The following PRKG1 variants were observed in gnomAD, a reference collection of about 807,000 sequenced individuals.
PRKG1 encodes the protein protein kinase cGMP-dependent 1, also known as cGMP-dependent protein kinase 1.
PRKG1 carries 35 observed loss-of-function variants against 88.1 expected under a neutral mutation model. The observed-to-expected ratio is 0.40, with a 90% CI of 0.30 to 0.53. The LOEUF (loss-of-function observed/expected upper bound fraction) is 0.53, where lower values mean the gene tolerates loss of function less well. Ranked by LOEUF, PRKG1 falls within the 20% of genes least tolerant of loss-of-function variation. The pLI, the probability that PRKG1 is intolerant of heterozygous loss-of-function variation, is 0.59. For synonymous variants in PRKG1, 303 were observed against 292.5 expected (o/e 1.04, Z -0.37); for missense variants, 540 against 839.8 (o/e 0.64, Z 4.41).
Position 52,295,961 on chromosome 10 carries a change from C to T in PRKG1, c.*2061C>T, listed in dbSNP as rs1842372782. 6.6e-6 allele frequency: 1 copy of T among 151,924 alleles called. No individual in the cohort carries two copies. The allele number at this position is 151,924 out of a possible 1,614,324, so 9.4% of individuals were successfully genotyped here. A position where few individuals can be genotyped will look rare whatever the true frequency, so the allele number is the denominator to read the frequency against. The stretch of plus-strand genomic sequence containing the variant: ...TCCCCAAGATATCCACTGTTTTCTA[C>T]AGATTTTAGAATATAAAATTAAACA... On this transcript the variant is annotated 3_prime_UTR_variant, in exon 18 of 18. Coordinates refer to ENST00000373980, the MANE Select transcript of PRKG1 (RefSeq NM_006258.4).
At chr10:52,197,542 C>T (rs947568777) in intron 9 of PRKG1, among the ~76,000 whole-genome samples, 1 of 152,298 alleles carries the variant, frequency 6.6e-6, no homozygotes, top group East Asian at 1.9e-4. Context: ...CACCATAAAA[C>T]GGAGACACTG....
At chr10:52,190,789 C>T (rs1048195498) in intron 9 of PRKG1, among the ~76,000 whole-genome samples, 3 of 151,966 alleles carry the variant, frequency 2.0e-5, no homozygotes, top group Non-Finnish European at 4.4e-5. Flanking sequence ...GCAATGGACC[C>T]CTTCCCTTAA....
At chr10:51,205,133 T>C (rs1251637452) in intron 2 of PRKG1, among the ~76,000 whole-genome samples, 1,602 of 89,112 alleles carry the variant, frequency 0.018, 267 homozygotes, top group African/African-American at 0.1. Context: ...TTTTCTTTTT[T>C]TTTTTTTTTT....
chr10:51,632,076 TC>T (rs1839540190), intron 3 of PRKG1, among the ~76,000 whole-genome samples: 1 of 143,668 alleles, frequency 7.0e-6, no homozygotes, highest in Non-Finnish European at 1.5e-5. Flanking sequence ...TTGTAAACTT[TC>T]TTGAAACATT....
intron 1 of PRKG1, among the ~76,000 whole-genome samples, chr10:51,014,707 C>G (rs1843035711): frequency 6.6e-6 from 1 of 151,834 alleles, no homozygotes; most frequent in Admixed American, 6.6e-5. Context: ...CAAATTGTAC[C>G]CTATAAATAT....
intron 2 of PRKG1, among the ~76,000 whole-genome samples, chr10:51,368,423 C>A (rs1410130280): frequency 6.6e-6 from 1 of 151,964 alleles, no homozygotes; most frequent in Non-Finnish European, 1.5e-5. Flanking sequence ...ATATAAATTT[C>A]ATATTCTGAA....
chr10:51,972,301 A>G (rs888281757), intron 5 of PRKG1, among the ~76,000 whole-genome samples: 2 of 152,174 alleles, frequency 1.3e-5, no homozygotes, highest in African/African-American at 4.8e-5. Flanking sequence ...ATAAATATGC[A>G]ATAATTAACT....
At chr10:51,857,881 G>A (rs1050177265) in intron 4 of PRKG1, among the ~76,000 whole-genome samples, 1 of 150,894 alleles carries the variant, frequency 6.6e-6, no homozygotes, top group African/African-American at 2.4e-5. Flanking sequence ...CCTGAAGGAC[G>A]GTGAAAACAT....
At chr10:50,997,252 A>C (rs961247566) in intron 1 of PRKG1, among the ~76,000 whole-genome samples, 9 of 152,222 alleles carry the variant, frequency 5.9e-5, no homozygotes, top group African/African-American at 2.2e-4. Context: ...TATTTAAGAC[A>C]CATTGATTTT....
chr10:51,449,409 G>A (rs1402352399), intron 2 of PRKG1, among the ~76,000 whole-genome samples: 2 of 150,658 alleles, frequency 1.3e-5, no homozygotes, highest in East Asian at 3.9e-4. Flanking sequence ...TCACTGAAGA[G>A]CTTTAATTTT....
intron 1 of PRKG1, among the ~76,000 whole-genome samples, chr10:51,084,645 A>G (rs1844203311): frequency 6.6e-6 from 1 of 152,160 alleles, no homozygotes. Flanking sequence ...ACCTTACATT[A>G]TTTTTATGTG....
At position 51,445,060 on chromosome 10, in the gene PRKG1, C is replaced by T. The variant is rs927828; in HGVS notation, c.479-22663C>T. On this transcript the variant is annotated intron_variant, in intron 2 of 17. Transcript: ENST00000373980. ...TGGAAATGTTCTACACTAGTGCTGT[C>T]GCCACTAGCCACATGTAACATTTGA... Among the ~76,000 whole-genome samples, 1,204 of 152,030 alleles carry T rather than the reference C, an allele frequency of 7.9e-3. 23 individuals are homozygous for T. The highest frequency in any genetic ancestry group is 0.027 in the African/African-American group (1,131 of 41,522).
intron 2 of PRKG1, among the ~76,000 whole-genome samples, chr10:51,293,235 A>C (rs749513713): frequency 4.6e-5 from 7 of 151,940 alleles, no homozygotes; most frequent in Non-Finnish European, 8.8e-5. Context: ...TTAATTCTAC[A>C]CTCTTAACAT....
At chr10:51,955,573 G>A (rs1843283960) in intron 5 of PRKG1, among the ~76,000 whole-genome samples, 1 of 152,120 alleles carries the variant, frequency 6.6e-6, no homozygotes, top group Admixed American at 6.6e-5. Context: ...TAGGCAAAAT[G>A]TCATTCGATT....
intron 2 of PRKG1, among the ~76,000 whole-genome samples, chr10:51,191,022 G>A (rs1837618174): frequency 6.6e-6 from 1 of 151,744 alleles, no homozygotes; most frequent in Non-Finnish European, 1.5e-5. Flanking sequence ...AGAATGCTTT[G>A]GCTAATACAG....
chr10:51,234,236 C>G (rs2132113725), intron 2 of PRKG1, among the ~76,000 whole-genome samples: 1 of 152,206 alleles, frequency 6.6e-6, no homozygotes, highest in Admixed American at 6.6e-5. Context: ...ACTATGGAAC[C>G]CACCCGTCTT....
intron 3 of PRKG1, among the ~76,000 whole-genome samples, chr10:51,515,692 A>C (rs1429960225): frequency 6.6e-6 from 1 of 152,170 alleles, no homozygotes; most frequent in African/African-American, 2.4e-5. Flanking sequence ...ACACACAATG[A>C]GTACCCAATC....
chr10:51,973,172 T>C (rs768125910), intron 5 of PRKG1, among the ~76,000 whole-genome samples: 32 of 152,174 alleles, frequency 2.1e-4, no homozygotes, highest in Admixed American at 7.9e-4. Context: ...ATGCTTGCCA[T>C]GGCTTCATTA....
At position 51,915,321 on chromosome 10, in the gene PRKG1, T is replaced by C. The variant is rs116800913; in HGVS notation, c.762+7751T>C. 9.4e-3 allele frequency among the ~76,000 whole-genome samples: 1,436 copies of C among 152,366 alleles called. 20 individuals carry two copies. The highest frequency in any genetic ancestry group is 0.032 in the African/African-American group (1,342 of 41,588). On this transcript the variant is annotated intron_variant, in intron 5 of 17. Transcript: ENST00000373980. ...TTAGTTCTCTTTGAAATCTGTTGTTTGTAACTAAACTTTTTCTTCCCTTCC... is the reference window on the plus strand; with the variant it reads ...TTAGTTCTCTTTGAAATCTGTTGTTCGTAACTAAACTTTTTCTTCCCTTCC...
Sources: allele counts gnomAD v4.1 joint callset (sites outside exome capture counted in the v4.1 genomes callset), GRCh38; gene constraint gnomAD v4.1.1; transcripts MANE v1.5; gene names NCBI Gene and HGNC (gene_info 2026-07-23, HGNC 2026-07-21).